TG: variants seen among roughly 807,000 people sequenced by gnomAD.
TG encodes the protein thyroglobulin.
TG carries 270 observed loss-of-function variants against 324.7 expected under a neutral mutation model. That is an observed-to-expected ratio of 0.83 (90% CI 0.75 to 0.92). TG has a LOEUF of 0.92. Ranked by LOEUF, TG falls within the 40% of genes least tolerant of loss-of-function variation. The pLI, the probability that TG is intolerant of heterozygous loss-of-function variation, is 0.00. For synonymous variants in TG, 1,401 were observed against 1,327.0 expected, an observed-to-expected ratio of 1.06 and a Z score of -1.21; for missense variants, 3,591 against 3,456.4, an observed-to-expected ratio of 1.04 and a Z score of -0.98.
chr8:132,996,158 T>A (rs887989756), intron 35 of TG, among the ~76,000 whole-genome samples: 2 of 152,226 alleles, frequency 1.3e-5, no homozygotes, highest in Admixed American at 6.5e-5. Flanking sequence ...AGTTCAGCCC[T>A]CTGCATGATA....
chr8:133,089,100 A>G (rs1355735456), intron 41 of TG, among the ~76,000 whole-genome samples: 2 of 152,130 alleles, frequency 1.3e-5, no homozygotes, highest in Non-Finnish European at 2.9e-5. Flanking sequence ...GGGTGGAGAC[A>G]TGGCACTCTG....
intron 5 of TG, among the ~76,000 whole-genome samples, chr8:132,876,252 G>T (rs1256987729): frequency 6.6e-6 from 1 of 152,128 alleles, no homozygotes; most frequent in Non-Finnish European, 1.5e-5. Flanking sequence ...GAGATGGGGT[G>T]AGACTGGAGG....
At chr8:133,088,485 T>A (rs997267384) in intron 41 of TG, among the ~76,000 whole-genome samples, 5 of 152,174 alleles carry the variant, frequency 3.3e-5, no homozygotes, top group African/African-American at 1.2e-4. Flanking sequence ...ACCTACCCAC[T>A]CCAAGCCTCA....
Position 132,968,749 on chromosome 8 carries a change from T to C in TG, c.5864-709T>C, listed in dbSNP as rs1829016608. On this transcript the variant is annotated intron_variant, in intron 31 of 47. Coordinates refer to ENST00000220616, the MANE Select transcript of TG (RefSeq NM_003235.5). ...AATTCCTCATGCCAGTATTTTTAGG[T>C]TCCTCCTTCAGAGGAGTTTCTCAAC... 2.6e-5 allele frequency among the ~76,000 whole-genome samples: 4 copies of C among 152,350 alleles called. 1 individual carries two copies. Among genetic ancestry groups the C allele is most frequent in the South Asian group, 4.1e-4 (2 of 4,830 alleles).
chr8:133,035,591 T>A (rs142482701), intron 41 of TG, among the ~76,000 whole-genome samples: 150 of 152,378 alleles, frequency 9.8e-4, no homozygotes, highest in African/African-American at 3.5e-3. Flanking sequence ...CCTGTTCAGT[T>A]GCTTAATATA....
intron 45 of TG, among the ~76,000 whole-genome samples, chr8:133,127,031 C>G (rs542351901): frequency 9.9e-5 from 15 of 152,136 alleles, no homozygotes; most frequent in Non-Finnish European, 1.9e-4. Context: ...TCAGATGGGC[C>G]GGAATGCCCA....
intron 27 of TG, among the ~76,000 whole-genome samples, chr8:132,955,704 C>T (rs1439498613): frequency 2.0e-5 from 3 of 152,220 alleles, no homozygotes; most frequent in Non-Finnish European, 2.9e-5. Flanking sequence ...TCCTGGAGGG[C>T]GGGGCTCCTG....
chr8:132,947,767 TTCC>T (rs1825530745), intron 26 of TG, among the ~76,000 whole-genome samples: 1 of 152,334 alleles, frequency 6.6e-6, no homozygotes, highest in East Asian at 1.9e-4. Context: ...GAGACTCAGT[TTCC>T]TCATCAGTAA....
intron 41 of TG, chr8:133,049,832 T>C: frequency 1.9e-6 from 2 of 1,033,892 alleles, no homozygotes; most frequent in Admixed American, 3.4e-5. Flanking sequence ...TGCTGGAATC[T>C]TTGTTCCACC....
In TG at chr8:132,960,089, G is replaced by C. The variant is rs909069081; in HGVS notation, c.5402-919G>C. Among the ~76,000 whole-genome samples, 4 of 152,140 alleles carry C rather than the reference G, an allele frequency of 2.6e-5. No individual in the cohort carries two copies. The East Asian group carries it at 7.7e-4, about 29-fold the overall frequency. ...AGGACAAATACCTAATGCATGCAGG[G>C]CTTAAAACCTGGATGACAGGTTGGT... On this transcript the variant is annotated intron_variant, in intron 27 of 47. Transcript: ENST00000220616.
At chr8:133,075,492 T>C (rs1844730920) in intron 41 of TG, among the ~76,000 whole-genome samples, 1 of 152,228 alleles carries the variant, frequency 6.6e-6, no homozygotes, top group Non-Finnish European at 1.5e-5. Flanking sequence ...TGGCAGTTGT[T>C]TGAATATATA....
chr8:132,963,632 G>C (rs1276842929), intron 29 of TG, among the ~76,000 whole-genome samples: 1 of 151,876 alleles, frequency 6.6e-6, no homozygotes, highest in Non-Finnish European at 1.5e-5. Context: ...TATGGGCTCA[G>C]CAAGGACCAG....
intron 21 of TG, 101 bp from the exon 22 acceptor site, chr8:132,923,237 G>A (rs1453152764): frequency 1.2e-5 from 15 of 1,283,406 alleles, no homozygotes; most frequent in Admixed American, 7.2e-5. Flanking sequence ...TGAGTTAGAT[G>A]TGTGACTTGG....
intron 34 of TG, among the ~76,000 whole-genome samples, chr8:132,979,085 C>T (rs1830514724): frequency 6.6e-6 from 1 of 152,068 alleles, no homozygotes; most frequent in Non-Finnish European, 1.5e-5. Context: ...GGCAGTAGAG[C>T]CAGAGAGGAA....
chr8:132,983,364 G>C lies in TG; in HGVS notation c.6214G>C (p.Ala2072Pro), dbSNP rs753105045. The change falls in exon 35 of 48, where the codon GCT becomes CCT. Residue 2072 changes from alanine (A) to proline (P), a missense_variant. Coordinates refer to ENST00000220616, the MANE Select transcript of TG (RefSeq NM_003235.5). ...WYQKPIAQNN[A>P]PSFCPLVVLP... ...TTCCTTTTCAGTTGCTCAAAATAAT[G>C]CTCCCAGTTTTTGCCCTTTGGTTGT... is the stretch of plus-strand genomic sequence containing the variant. 4 of 1,614,088 alleles carry C rather than the reference G, an allele frequency of 2.5e-6. No homozygotes were observed. The Admixed American group carries it at 5.0e-5, about 20-fold the overall frequency.
At chr8:132,941,906 C>T (rs1215060381) in intron 26 of TG, among the ~76,000 whole-genome samples, 2 of 152,178 alleles carry the variant, frequency 1.3e-5, no homozygotes, top group African/African-American at 4.8e-5. Flanking sequence ...GTTGTGTCTT[C>T]CACAGCACCT....
intron 16 of TG, among the ~76,000 whole-genome samples, chr8:132,904,674 C>A (rs1818413842): frequency 6.6e-6 from 1 of 152,114 alleles, no homozygotes; most frequent in South Asian, 2.1e-4. Flanking sequence ...TTTGTGGCCC[C>A]AGGAGGAAAA....
chr8:133,096,263 C>T lies in TG; in HGVS notation c.7462C>T (p.Leu2488Phe), dbSNP rs752849508. ...YWGPVIDGHF[L>F]REPPARALKR... ...GGGTCCTGTGATCGATGGCCACTTC[C>T]TCCGTGAGCCTCCAGCCAGAGCACT... The change falls in exon 43 of 48, where the codon CTC becomes TTC. Residue 2488 changes from leucine to phenylalanine, a missense_variant. Leu to Phe is a conservative substitution (Grantham distance 22). Coordinates refer to ENST00000220616, the MANE Select transcript of TG (RefSeq NM_003235.5). 6.1e-5 allele frequency: 99 copies of T among 1,614,124 alleles called. No homozygotes were observed. Among genetic ancestry groups the T allele is most frequent in the Non-Finnish European group, 8.1e-5 (96 of 1,180,058 alleles).
chr8:133,053,977 G>A lies in TG; in HGVS notation c.7239+23954G>A, dbSNP rs184729272. Among the ~76,000 whole-genome samples the A allele has an allele frequency of 7.9e-5, 12 of 152,216 alleles. No individual in the cohort carries two copies. In the South Asian group the frequency reaches 1.2e-3, roughly 16 times the overall value. ...TCTTTATCATCACCATTAGCCAAAC[G>A]GGACAAAGTCACTGGGAAGGTATTA... On this transcript the variant is annotated intron_variant, in intron 41 of 47. Transcript: ENST00000220616.
Sources: gnomAD v4.1 joint callset for allele counts (sites outside exome capture counted in the v4.1 genomes callset) on GRCh38, gnomAD v4.1.1 for gene constraint, MANE v1.5 for transcripts, NCBI Gene and HGNC (gene_info 2026-07-23, HGNC 2026-07-21) for gene names.